The following PACRG variants were observed in gnomAD, a reference collection of about 807,000 sequenced individuals.
PACRG encodes the protein parkin coregulated gene protein.
In PACRG, 29 loss-of-function variants were observed where a neutral mutation model predicts 29.7. The ratio of observed to expected loss-of-function variants is 0.98; its 90% CI spans 0.73 to 1.33. The LOEUF (loss-of-function observed/expected upper bound fraction) is 1.33, where lower values mean the gene tolerates loss of function less well. Among genes scored for constraint, PACRG ranks in the 40% most tolerant of loss-of-function variants. The probability of loss-of-function intolerance (pLI) is 0.00; values close to 1 mark genes in which losing one functional copy is unlikely to be tolerated. For synonymous variants in PACRG, 116 were observed against 118.7 expected (o/e 0.98, Z 0.15); for missense variants, 279 against 316.2 (o/e 0.88, Z 0.89).
At chr6:163,262,690 C>T (rs1373328061) in intron 4 of PACRG, among the ~76,000 whole-genome samples, 5 of 152,068 alleles carry the variant, frequency 3.3e-5, no homozygotes, top group Admixed American at 1.3e-4. Flanking sequence ...GGTTCTATAA[C>T]AGTCTCTGAC....
At chr6:163,183,209 G>A (rs1273809746) in intron 4 of PACRG, 1 of 152,244 alleles carries the variant, frequency 6.6e-6, no homozygotes, top group Non-Finnish European at 1.5e-5. Context: ...TGTCCCTCTG[G>A]ACAAGTAGAG....
At chr6:163,131,981 C>T (rs1278592731) in intron 4 of PACRG, among the ~76,000 whole-genome samples, 1 of 152,150 alleles carries the variant, frequency 6.6e-6, no homozygotes, top group African/African-American at 2.4e-5. Flanking sequence ...CATCTTCAAA[C>T]TACTGCGTAG....
At chr6:162,944,880 G>GA (rs1369135702) in intron 2 of PACRG, among the ~76,000 whole-genome samples, 2 of 151,234 alleles carry the variant, frequency 1.3e-5, no homozygotes, top group African/African-American at 2.4e-5. Flanking sequence ...AGAAGGTGAA[G>GA]AAAAAAACAA....
intron 2 of PACRG, among the ~76,000 whole-genome samples, chr6:162,917,309 T>G (rs1446734561): frequency 6.6e-6 from 1 of 152,184 alleles, no homozygotes; most frequent in Non-Finnish European, 1.5e-5. Flanking sequence ...TGCTGTGGTC[T>G]CCAGCCTCAG....
At chr6:162,862,449 C>T (rs886567747) in intron 2 of PACRG, among the ~76,000 whole-genome samples, 5 of 152,086 alleles carry the variant, frequency 3.3e-5, no homozygotes, top group African/African-American at 9.7e-5. Context: ...GAAAAGGCAA[C>T]GGGGATGCAT....
At chr6:163,274,301 G>A (rs543268261) in intron 4 of PACRG, among the ~76,000 whole-genome samples, 1 of 152,218 alleles carries the variant, frequency 6.6e-6, no homozygotes, top group East Asian at 1.9e-4. Flanking sequence ...TTGTCCTTGC[G>A]ATAGTTTGCT....
intron 3 of PACRG, among the ~76,000 whole-genome samples, chr6:163,065,601 A>G (rs952026211): frequency 6.6e-6 from 1 of 152,172 alleles, no homozygotes; most frequent in African/African-American, 2.4e-5. Context: ...CAGGGAAGGA[A>G]GTATTGTGCA....
At chr6:163,139,356 T>G (rs1256418130) in intron 4 of PACRG, among the ~76,000 whole-genome samples, 1 of 85,238 alleles carries the variant, frequency 1.2e-5, no homozygotes, top group Non-Finnish European at 2.3e-5. Flanking sequence ...GATCCTTAAC[T>G]TAATCACATT....
At chr6:163,226,341 G>A (rs150987321) in intron 4 of PACRG, among the ~76,000 whole-genome samples, 1 of 152,318 alleles carries the variant, frequency 6.6e-6, no homozygotes, top group East Asian at 1.9e-4. Context: ...TAAGGGAGTA[G>A]GTCTTAAATG....
chr6:162,829,704 T>G (rs931992982), intron 2 of PACRG, among the ~76,000 whole-genome samples: 1 of 152,148 alleles, frequency 6.6e-6, no homozygotes, highest in Non-Finnish European at 1.5e-5. Context: ...GCCTTTTCTC[T>G]TCAGAGATAA....
At chr6:163,050,614 G>A (rs1025305721) in intron 2 of PACRG, among the ~76,000 whole-genome samples, 2 of 152,086 alleles carry the variant, frequency 1.3e-5, no homozygotes, top group African/African-American at 4.8e-5. Flanking sequence ...TTCAGTCTTA[G>A]TCAAATACAT....
intron 1 of PACRG, among the ~76,000 whole-genome samples, chr6:162,793,030 A>G (rs545229195): frequency 6.6e-6 from 1 of 152,284 alleles, no homozygotes; most frequent in African/African-American, 2.4e-5. Flanking sequence ...GTCCTGCAAT[A>G]GAGGGAGGGC....
At position 162,888,316 on chromosome 6, in the gene PACRG, C is replaced by T. The variant is rs140866877; in HGVS notation, c.291+74035C>T. ...CAGACAAAAGTCGATTTGGGTCCAG[C>T]GGCTCTTTCAGCACGTGGTGCCAAC... On this transcript the variant is annotated intron_variant, in intron 2 of 4. Coordinates refer to ENST00000366888, the MANE Select transcript of PACRG (RefSeq NM_001080379.2). Among the ~76,000 whole-genome samples, 413 of 152,180 alleles carry T rather than the reference C, an allele frequency of 2.7e-3. 3 individuals are homozygous for T. Among genetic ancestry groups the T allele is most frequent in the African/African-American group, 9.2e-3 (383 of 41,520 alleles).
intron 3 of PACRG, among the ~76,000 whole-genome samples, chr6:163,064,890 T>C (rs1157552032): frequency 1.3e-5 from 2 of 151,916 alleles, no homozygotes; most frequent in East Asian, 3.9e-4. Flanking sequence ...GCAAAATGTA[T>C]AAACTCACTG....
chr6:163,250,202 A>G (rs1298214384), intron 4 of PACRG, among the ~76,000 whole-genome samples: 1 of 152,262 alleles, frequency 6.6e-6, no homozygotes, highest in Non-Finnish European at 1.5e-5. Context: ...TAACAAAGCA[A>G]CAGACTGCCC....
chr6:163,039,599 G>T (rs181143982), intron 2 of PACRG, among the ~76,000 whole-genome samples: 1 of 152,318 alleles, frequency 6.6e-6, no homozygotes, highest in East Asian at 1.9e-4. Flanking sequence ...AGATGGAGAT[G>T]AAGAATTTAT....
intron 2 of PACRG, among the ~76,000 whole-genome samples, chr6:162,995,946 A>G (rs1804000524): frequency 6.6e-6 from 1 of 152,246 alleles, no homozygotes; most frequent in Non-Finnish European, 1.5e-5. Context: ...TCCTTTGAAT[A>G]TATACCCAGA....
intron 2 of PACRG, among the ~76,000 whole-genome samples, chr6:162,961,422 T>C (rs1800607296): frequency 6.6e-6 from 1 of 152,198 alleles, no homozygotes; most frequent in Non-Finnish European, 1.5e-5. Flanking sequence ...GTTTCTACTA[T>C]CATGTGTCTA....
intron 1 of PACRG, among the ~76,000 whole-genome samples, chr6:162,732,647 A>G (rs1386064970): frequency 6.6e-6 from 1 of 152,250 alleles, no homozygotes; most frequent in Non-Finnish European, 1.5e-5. Context: ...CTGGCAGAGA[A>G]GTACTAATGA....
Sources: gnomAD v4.1 joint callset for allele counts (sites outside exome capture counted in the v4.1 genomes callset) on GRCh38, gnomAD v4.1.1 for gene constraint, MANE v1.5 for transcripts, NCBI Gene and HGNC (gene_info 2026-07-23, HGNC 2026-07-21) for gene names.